VWA8: variants seen among roughly 807,000 people sequenced by gnomAD.
VWA8 encodes the protein von Willebrand factor A domain containing 8.
Under a neutral mutation model 241.5 loss-of-function variants are expected in VWA8, and 221 were observed. The observed-to-expected ratio is 0.91, with a 90% confidence interval of 0.82 to 1.02. VWA8 has a LOEUF of 1.02. Ranked by LOEUF, VWA8 falls within the 50% of genes least tolerant of loss-of-function variation. VWA8 has a pLI of 0.00. For synonymous variants in VWA8, 852 were observed against 827.1 expected (o/e 1.03, Z -0.52); for missense variants, 2,322 against 2,328.7 (o/e 1.00, Z 0.06).
chr13:41,889,069 C>G (rs1874691270), intron 5 of VWA8, among the ~76,000 whole-genome samples: 1 of 152,122 alleles, frequency 6.6e-6, no homozygotes, highest in Non-Finnish European at 1.5e-5. Flanking sequence ...TAACAGAATT[C>G]TACTATAATC....
At chr13:41,664,363 C>G (rs2044972378) in intron 37 of VWA8, among the ~76,000 whole-genome samples, 1 of 148,442 alleles carries the variant, frequency 6.7e-6, no homozygotes, top group Non-Finnish European at 1.5e-5. Context: ...CCATGGGGTT[C>G]TAAAATTTCA....
intron 2 of VWA8, among the ~76,000 whole-genome samples, chr13:41,918,769 T>C (rs139902242): frequency 1.2e-4 from 18 of 152,278 alleles, no homozygotes; most frequent in African/African-American, 4.3e-4. Flanking sequence ...ATTCTGTATA[T>C]ACAAAATAGT....
intron 35 of VWA8, among the ~76,000 whole-genome samples, chr13:41,681,282 C>T (rs752246015): frequency 1.8e-4 from 27 of 152,122 alleles, no homozygotes; most frequent in Non-Finnish European, 3.5e-4. Flanking sequence ...CAGAGTTGAG[C>T]CCCATCTCTT....
In VWA8 at chr13:41,938,346, G is replaced by A. The variant is rs1230283922; in HGVS notation, c.241+11590C>T. On this transcript the variant is annotated intron_variant, in intron 2 of 44. Transcript: ENST00000379310. ...CGTTGATGAGCCTCTTCCTTTTAAG[G>A]ACTCTATTCTTAAAAATACATCTAG... 3.9e-5 allele frequency among the ~76,000 whole-genome samples: 6 copies of A among 151,924 alleles called. No individual in the cohort carries two copies. The East Asian group carries it at 9.7e-4, about 24-fold the overall frequency.
At chr13:41,787,052 T>G (rs1384887654) in intron 18 of VWA8, among the ~76,000 whole-genome samples, 1 of 150,832 alleles carries the variant, frequency 6.6e-6, no homozygotes, top group Admixed American at 6.7e-5. Flanking sequence ...AGGACATCGC[T>G]GACCCTCAAA....
chr13:41,804,153 A>G (rs1245681393), intron 17 of VWA8, among the ~76,000 whole-genome samples: 1 of 152,234 alleles, frequency 6.6e-6, no homozygotes, highest in Non-Finnish European at 1.5e-5. Flanking sequence ...AGAACTTCCC[A>G]AACCTAGAGA....
At chr13:41,657,217 G>A (rs1264130885) in intron 37 of VWA8, among the ~76,000 whole-genome samples, 1 of 151,982 alleles carries the variant, frequency 6.6e-6, no homozygotes, top group East Asian at 1.9e-4. Flanking sequence ...GAGAACGACT[G>A]TGTGAGAATG....
intron 37 of VWA8, among the ~76,000 whole-genome samples, chr13:41,664,542 T>C (rs2044974029): frequency 6.6e-6 from 1 of 152,062 alleles, no homozygotes; most frequent in Admixed American, 6.6e-5. Context: ...CTTTATCTTC[T>C]TGTTGTATGG....
intron 1 of VWA8, among the ~76,000 whole-genome samples, chr13:41,959,590 G>A (rs1878511281): frequency 7.5e-6 from 1 of 132,994 alleles, no homozygotes. Context: ...AACGAAATAC[G>A]TGGGACCTAA....
chr13:41,921,794 C>T (rs1233754854), intron 2 of VWA8, among the ~76,000 whole-genome samples: 2 of 152,150 alleles, frequency 1.3e-5, no homozygotes, highest in African/African-American at 4.8e-5. Flanking sequence ...AGGACACAAA[C>T]AAATGGAAGA....
rs1050537191 is a variant in VWA8, at chr13:41,871,703, C to T, written c.1081-3226G>A. Among the ~76,000 whole-genome samples the T allele has an allele frequency of 9.2e-5, 14 of 152,122 alleles. 1 individual carries two copies. The highest frequency in any genetic ancestry group is 7.8e-4 in the Admixed American group (12 of 15,292). ...GCCACATTTTCTTAATCCAGTCTAT[C>T]GTTGTTGGACATTTGGGTTGGTTCC... On this transcript the variant is annotated intron_variant, in intron 9 of 44. Transcript: ENST00000379310.
Position 41,952,046 on chromosome 13 carries a change from G to A in VWA8, c.164-2033C>T, listed in dbSNP as rs145687191. Among the ~76,000 whole-genome samples, 261 of 152,184 alleles carry A rather than the reference G, an allele frequency of 1.7e-3. 2 individuals carry two copies. The highest frequency in any genetic ancestry group is 5.7e-3 in the African/African-American group (237 of 41,522). On this transcript the variant is annotated intron_variant, in intron 1 of 44. Transcript: ENST00000379310. Reference sequence around the variant, plus strand: ...AAAGCTCCTCCATAACCCGTGCACCGCTCCCTTTTCCTCCCCTGTCCAATT... The same window carrying A: ...AAAGCTCCTCCATAACCCGTGCACCACTCCCTTTTCCTCCCCTGTCCAATT...
At chr13:41,777,377 AG>A (rs1338339558) in intron 20 of VWA8, among the ~76,000 whole-genome samples, 4 of 152,138 alleles carry the variant, frequency 2.6e-5, no homozygotes, top group African/African-American at 9.7e-5. Context: ...TCCCTGCAGA[AG>A]GAAGAGCATG....
At chr13:41,738,971 A>G (rs2045546323) in intron 21 of VWA8, among the ~76,000 whole-genome samples, 2 of 152,186 alleles carry the variant, frequency 1.3e-5, no homozygotes, top group East Asian at 3.9e-4. Flanking sequence ...AAAAGACTTT[A>G]TCAATTGAGT....
chr13:41,724,500 G>C (rs2045416866), intron 24 of VWA8, among the ~76,000 whole-genome samples: 1 of 152,152 alleles, frequency 6.6e-6, no homozygotes, highest in Admixed American at 6.5e-5. Context: ...CAAAAGGCGG[G>C]ATCTGGTGCT....
chr13:41,858,061 G>C (rs925359835), intron 12 of VWA8, among the ~76,000 whole-genome samples: 1 of 152,014 alleles, frequency 6.6e-6, no homozygotes, highest in African/African-American at 2.4e-5. Context: ...GCCCTTCAAG[G>C]CTTCTCTTAG....
chr13:41,769,939 T>C (rs887036563), intron 20 of VWA8, among the ~76,000 whole-genome samples: 4 of 152,134 alleles, frequency 2.6e-5, no homozygotes, highest in Admixed American at 6.5e-5. Flanking sequence ...TAAAAGACGA[T>C]TGAATCAACA....
chr13:41,883,493 T>A lies in VWA8; in HGVS notation c.976-2A>T. On this transcript the variant is annotated splice_acceptor_variant, in intron 8 of 44. Transcript: ENST00000379310. LOFTEE classifies it high-confidence loss of function. Reference sequence around the variant, plus strand: ...GATTGGCATCATAGGAAAGGAATCCTATGTAGGAGCAAAAATACATAGGAA... The same window carrying A: ...GATTGGCATCATAGGAAAGGAATCCAATGTAGGAGCAAAAATACATAGGAA... 1.9e-6 allele frequency: 3 copies of A among 1,606,514 alleles called. No individual in the cohort carries two copies. Among genetic ancestry groups the A allele is most frequent in the Non-Finnish European group, 2.6e-6 (3 of 1,173,766 alleles).
chr13:41,877,487 C>G (rs191056472), intron 9 of VWA8, among the ~76,000 whole-genome samples: 41 of 152,098 alleles, frequency 2.7e-4, no homozygotes, highest in African/African-American at 8.7e-4. Context: ...TCCTCAGGAG[C>G]TGAAATCAGA....
Sources: gnomAD v4.1 joint callset for allele counts (sites outside exome capture counted in the v4.1 genomes callset) on GRCh38, gnomAD v4.1.1 for gene constraint, MANE v1.5 for transcripts, NCBI Gene and HGNC (gene_info 2026-07-23, HGNC 2026-07-21) for gene names.